FBXL2: variants seen among roughly 807,000 people sequenced by gnomAD.
The protein encoded by FBXL2 is F-box and leucine rich repeat protein 2, also known as F-box/LRR-repeat protein 2.
In FBXL2, 38 loss-of-function variants were observed where a neutral mutation model predicts 69.2. The observed-to-expected ratio is 0.55, with a 90% CI of 0.42 to 0.72. The LOEUF (loss-of-function observed/expected upper bound fraction) is 0.72. FBXL2 is among the 30% of genes least tolerant of loss of function. The pLI, the probability that FBXL2 is intolerant of heterozygous loss-of-function variation, is 0.00. For missense variants in FBXL2, 354 were observed against 520.3 expected (o/e 0.68, Z 3.11); for synonymous variants, 192 against 201.3 (o/e 0.95, Z 0.39).
intron 2 of FBXL2, among the ~76,000 whole-genome samples, chr3:33,349,124 G>A (rs1233086068): frequency 4.6e-5 from 7 of 152,016 alleles, no homozygotes; most frequent in Non-Finnish European, 1.0e-4. Flanking sequence ...CTTATCTGTT[G>A]CTCTAGCTAG....
At chr3:33,400,895 C>G in intron 12 of FBXL2, 1 of 1,515,400 alleles carries the variant, frequency 6.6e-7, no homozygotes, top group Non-Finnish European at 8.9e-7. Flanking sequence ...TACATTTGCA[C>G]AAAAACCAAA....
intron 1 of FBXL2, among the ~76,000 whole-genome samples, chr3:33,292,367 A>G (rs1332820318): frequency 6.6e-6 from 1 of 152,204 alleles, no homozygotes; most frequent in Non-Finnish European, 1.5e-5. Context: ...TGACAGAGCA[A>G]TCCTCTGTCT....
intron 2 of FBXL2, among the ~76,000 whole-genome samples, chr3:33,343,266 C>T (rs2040201988): frequency 6.6e-6 from 1 of 151,940 alleles, no homozygotes; most frequent in South Asian, 2.1e-4. Context: ...TGTGCAATAA[C>T]AATTTAATTT....
intron 2 of FBXL2, among the ~76,000 whole-genome samples, chr3:33,330,282 CAA>C (rs113208210): frequency 1.0e-4 from 12 of 117,740 alleles, no homozygotes; most frequent in Admixed American, 1.8e-4. Flanking sequence ...AGACATTGTC[CAA>C]AAAAAAAAAA....
intron 12 of FBXL2, among the ~76,000 whole-genome samples, chr3:33,398,961 A>G (rs917324670): frequency 6.6e-6 from 1 of 152,256 alleles, no homozygotes; most frequent in Non-Finnish European, 1.5e-5. Context: ...TGACCTCCAT[A>G]GGGAACTTTA....
At chr3:33,414,177 C>G in the FBXL2 span, 3 of 151,724 alleles carry the variant, frequency 2.0e-5, no homozygotes, top group Non-Finnish European at 4.4e-5. Context: ...TAGAATTTGT[C>G]TAGCAGGTTT....
intron 13 of FBXL2, among the ~76,000 whole-genome samples, chr3:33,381,651 A>G (rs2043073903): frequency 6.6e-6 from 1 of 151,970 alleles, no homozygotes; most frequent in African/African-American, 2.4e-5. Context: ...AAATTTAAAA[A>G]AAAAAGAAAA....
chr3:33,381,696 T>C (rs1009928667), intron 13 of FBXL2, among the ~76,000 whole-genome samples: 1 of 152,132 alleles, frequency 6.6e-6, no homozygotes, highest in Non-Finnish European at 1.5e-5. Flanking sequence ...ACACTTTTTT[T>C]CTCATTCCAT....
At chr3:33,292,702 T>A (rs1218249708) in intron 1 of FBXL2, among the ~76,000 whole-genome samples, 1 of 151,902 alleles carries the variant, frequency 6.6e-6, no homozygotes, top group Non-Finnish European at 1.5e-5. Context: ...TTAAATTTAC[T>A]AACTAAAATG....
chr3:33,338,215 C>G (rs2039739733), intron 2 of FBXL2, among the ~76,000 whole-genome samples: 1 of 152,092 alleles, frequency 6.6e-6, no homozygotes, highest in Non-Finnish European at 1.5e-5. Flanking sequence ...AGTTCAAGAC[C>G]AGCCTGGCCA....
At chr3:33,381,434 C>T (rs1422401222) in intron 13 of FBXL2, among the ~76,000 whole-genome samples, 3 of 152,026 alleles carry the variant, frequency 2.0e-5, no homozygotes, top group African/African-American at 4.8e-5. Context: ...CACCTGAGGT[C>T]GGGAGTTCGA....
intron 1 of FBXL2, among the ~76,000 whole-genome samples, chr3:33,278,718 C>T (rs1050307869): frequency 4.6e-5 from 7 of 152,150 alleles, no homozygotes; most frequent in Non-Finnish European, 1.0e-4. Context: ...AATCACAGTA[C>T]CATGTAATGC....
intron 2 of FBXL2, among the ~76,000 whole-genome samples, chr3:33,319,827 TC>T (rs1286315612): frequency 5.9e-5 from 9 of 152,218 alleles, no homozygotes; most frequent in Admixed American, 1.3e-4. Flanking sequence ...GAAATTAATG[TC>T]ATTTAGGAAA....
intron 12 of FBXL2, chr3:33,393,601 T>C (rs1010524335): frequency 1.7e-5 from 11 of 659,054 alleles, no homozygotes; most frequent in Admixed American, 1.2e-4. Context: ...AACTATTTCT[T>C]TCCCCCATCT....
intron 2 of FBXL2, among the ~76,000 whole-genome samples, chr3:33,326,717 A>C (rs942309332): frequency 6.6e-6 from 1 of 152,140 alleles, no homozygotes; most frequent in Non-Finnish European, 1.5e-5. Flanking sequence ...TCTTTTGAAA[A>C]AAAATTATCT....
intron 2 of FBXL2, among the ~76,000 whole-genome samples, chr3:33,345,426 G>A (rs908916430): frequency 3.2e-4 from 48 of 152,136 alleles, no homozygotes; most frequent in African/African-American, 1.2e-3. Flanking sequence ...TTCATTTTAT[G>A]AGACTAGGAT....
At chr3:33,298,323 T>G (rs1042221503) in intron 2 of FBXL2, among the ~76,000 whole-genome samples, 25 of 152,308 alleles carry the variant, frequency 1.6e-4, no homozygotes, top group Middle Eastern at 3.4e-3. Context: ...CAGCAAACAT[T>G]TGTTGGCCTG....
At chr3:33,282,510 G>T (rs1381766122) in intron 1 of FBXL2, among the ~76,000 whole-genome samples, 1 of 152,150 alleles carries the variant, frequency 6.6e-6, no homozygotes, top group East Asian at 1.9e-4. Context: ...TTTTGGCTTA[G>T]AATTGTCTTG....
chr3:33,411,688 CTA>C, the FBXL2 span: 2 of 1,610,976 alleles, frequency 1.2e-6, no homozygotes, highest in Non-Finnish European at 1.7e-6. Flanking sequence ...ATTGGAATAT[CTA>C]TGTTTTAAAA....
Sources: allele counts gnomAD v4.1 joint callset (sites outside exome capture counted in the v4.1 genomes callset), GRCh38; gene constraint gnomAD v4.1.1; transcripts MANE v1.5; gene names NCBI Gene and HGNC (gene_info 2026-07-23, HGNC 2026-07-21).